Variants in SCFD1 observed in about 807,000 individuals in gnomAD.
SCFD1 encodes sec1 family domain containing 1.
Under a neutral mutation model 103.2 loss-of-function variants are expected in SCFD1, and 37 were observed. The observed-to-expected ratio is 0.36, with a 90% CI of 0.28 to 0.47. SCFD1 has a LOEUF of 0.47. Ranked by LOEUF, SCFD1 falls within the 20% of genes least tolerant of loss-of-function variation. SCFD1 has a pLI of 1.00. For synonymous variants in SCFD1, 264 were observed against 245.0 expected (o/e 1.08, Z -0.73); for missense variants, 639 against 761.2 (o/e 0.84, Z 1.89).
intron 12 of SCFD1, among the ~76,000 whole-genome samples, chr14:30,673,619 A>G (rs1888751047): frequency 6.6e-6 from 1 of 152,124 alleles, no homozygotes; most frequent in African/African-American, 2.4e-5. Flanking sequence ...GTAACTTCAG[A>G]TTTCAGCTCT....
intron 11 of SCFD1, among the ~76,000 whole-genome samples, chr14:30,671,922 C>G (rs1888579293): frequency 1.3e-5 from 2 of 151,290 alleles, no homozygotes; most frequent in South Asian, 4.2e-4. Context: ...TGATAGTTAC[C>G]TCAACAGATT....
At chr14:30,723,212 G>A (rs1211978148) in intron 23 of SCFD1, among the ~76,000 whole-genome samples, 4 of 151,782 alleles carry the variant, frequency 2.6e-5, no homozygotes, top group African/African-American at 9.7e-5. Flanking sequence ...CCTAATAATG[G>A]TAGAGGGTTA....
intron 23 of SCFD1, among the ~76,000 whole-genome samples, chr14:30,729,710 CTG>C (rs1271882839): frequency 6.6e-6 from 1 of 152,144 alleles, no homozygotes. Context: ...TCTACAAAGA[CTG>C]TGTTAAATCT....
At chr14:30,714,942 G>C (rs1224567493) in intron 19 of SCFD1, among the ~76,000 whole-genome samples, 1 of 152,174 alleles carries the variant, frequency 6.6e-6, no homozygotes, top group Non-Finnish European at 1.5e-5. Context: ...AAACTTGTCA[G>C]ACTGAAATGT....
chr14:30,673,816 C>T (rs183627761), intron 12 of SCFD1, 108 bp from the exon 13 acceptor site: 105 of 748,448 alleles, frequency 1.4e-4, no homozygotes, highest in East Asian at 9.4e-4. Flanking sequence ...AAAAATCTTA[C>T]GGTATATCAA....
At chr14:30,654,995 C>T (rs1886763595) in intron 10 of SCFD1, among the ~76,000 whole-genome samples, 1 of 152,172 alleles carries the variant, frequency 6.6e-6, no homozygotes, top group Non-Finnish European at 1.5e-5. Context: ...TGAGTGCCTA[C>T]TCTTTAACAC....
chr14:30,707,691 A>T (rs1464748014), intron 18 of SCFD1: 6 of 353,714 alleles, frequency 1.7e-5, no homozygotes, highest in South Asian at 7.5e-5. Flanking sequence ...GCAAAAAAAA[A>T]ATATAGCTAA....
At chr14:30,645,522 T>G (rs1885729405) in intron 7 of SCFD1, among the ~76,000 whole-genome samples, 1 of 152,220 alleles carries the variant, frequency 6.6e-6, no homozygotes, top group African/African-American at 2.4e-5. Context: ...TTCGTAATTC[T>G]TGTTGTAGAG....
chr14:30,623,751 A>G (rs1883096830), intron 1 of SCFD1, among the ~76,000 whole-genome samples: 1 of 152,178 alleles, frequency 6.6e-6, no homozygotes, highest in Admixed American at 6.5e-5. Flanking sequence ...ACATAGTAAG[A>G]TTTTACAGAA....
chr14:30,729,281 T>C (rs1450159911), intron 23 of SCFD1, among the ~76,000 whole-genome samples: 2 of 152,118 alleles, frequency 1.3e-5, no homozygotes, highest in African/African-American at 4.8e-5. Context: ...TTTCTTTTGT[T>C]GCCTGGGCTT....
At chr14:30,680,638 T>C (rs903938295) in intron 14 of SCFD1, among the ~76,000 whole-genome samples, 1 of 152,090 alleles carries the variant, frequency 6.6e-6, no homozygotes, top group African/African-American at 2.4e-5. Context: ...AACTGAAAAA[T>C]AACAACTAAG....
Position 30,713,188 on chromosome 14 carries a change from T to A in SCFD1, c.1630-2736T>A, listed in dbSNP as rs545107322. Among the ~76,000 whole-genome samples the A allele has an allele frequency of 3.9e-5, 6 of 152,336 alleles. No individual in the cohort carries two copies. The South Asian group carries it at 1.2e-3, about 32-fold the overall frequency. Reference sequence around the variant, plus strand: ...AGCTAGAGCATTAGCTGGTGACAGATCTCAAAAGTTGTTTCCTGAAGTACT... The same window carrying A: ...AGCTAGAGCATTAGCTGGTGACAGAACTCAAAAGTTGTTTCCTGAAGTACT... On this transcript the variant is annotated intron_variant, in intron 19 of 24. Coordinates refer to ENST00000458591, the MANE Select transcript of SCFD1 (RefSeq NM_016106.4).
At chr14:30,711,598 C>A (rs1357785342) in intron 19 of SCFD1, among the ~76,000 whole-genome samples, 1 of 152,144 alleles carries the variant, frequency 6.6e-6, no homozygotes, top group East Asian at 1.9e-4. Flanking sequence ...CAAATACATA[C>A]ATCAAAACAT....
intron 23 of SCFD1, among the ~76,000 whole-genome samples, chr14:30,724,253 T>G (rs1318479309): frequency 7.5e-6 from 1 of 133,034 alleles, no homozygotes; most frequent in African/African-American, 2.9e-5. Flanking sequence ...GGGTTTTTTT[T>G]TTTTTTTTTT....
chr14:30,696,908 G>T (rs1890739283), intron 15 of SCFD1, among the ~76,000 whole-genome samples: 1 of 152,082 alleles, frequency 6.6e-6, no homozygotes, highest in Admixed American at 6.6e-5. Context: ...TATAAAGAAA[G>T]CCCAATTTCC....
In SCFD1 at chr14:30,706,525, G is replaced by C. The variant is rs1891480310; in HGVS notation, c.1553+640G>C. On this transcript the variant is annotated intron_variant, in intron 18 of 24. Transcript: ENST00000458591. ...TTTTCATTTTCAGAAAACATTTGAA[G>C]GTTAAAACTGTTTTAGTACCAATGT... 3.9e-5 allele frequency among the ~76,000 whole-genome samples: 6 copies of C among 151,988 alleles called. No homozygotes were observed. In the South Asian group the frequency reaches 1.2e-3, roughly 32 times the overall value.
chr14:30,716,367 T>TA (rs1489466025), intron 20 of SCFD1, among the ~76,000 whole-genome samples: 1 of 152,212 alleles, frequency 6.6e-6, no homozygotes, highest in Non-Finnish European at 1.5e-5. Flanking sequence ...AAGTGCATAG[T>TA]AAAAATGTTA....
chr14:30,724,245 G>GTTTTTTTTTTTT lies in SCFD1; in HGVS notation c.1836+1702_1836+1713dup, dbSNP rs58612669. On this transcript the variant is annotated intron_variant, in intron 23 of 24. Coordinates refer to ENST00000458591, the MANE Select transcript of SCFD1 (RefSeq NM_016106.4). ...ATGTCCTTTGCCCACTTTTTTATGG[G>GTTTTTTTTTTTT]TTTTTTTTTTTTTTTTTTTTTTTTT... is the stretch of plus-strand genomic sequence containing the variant. 4.3e-5 allele frequency among the ~76,000 whole-genome samples: 3 copies of GTTTTTTTTTTTT among 69,676 alleles called. 1 individual carries two copies. The highest frequency in any genetic ancestry group is 2.1e-4 in the African/African-American group (3 of 14,590). The allele number at this position is 69,676 out of a possible 152,430, so 45.7% of individuals were successfully genotyped here. A position where few individuals can be genotyped will look rare whatever the true frequency, so the allele number is the denominator to read the frequency against.
At chr14:30,674,936 C>T in intron 13 of SCFD1, 48 bp from the exon 14 acceptor site, 1 of 1,177,480 alleles carries the variant, frequency 8.5e-7, no homozygotes, top group Non-Finnish European at 1.2e-6. Flanking sequence ...AAGTCTATGT[C>T]ATTTTAGAAA....
Sources: gnomAD v4.1 joint callset for allele counts (sites outside exome capture counted in the v4.1 genomes callset) on GRCh38, gnomAD v4.1.1 for gene constraint, MANE v1.5 for transcripts, NCBI Gene and HGNC (gene_info 2026-07-23, HGNC 2026-07-21) for gene names.